Variants in DNAH5 observed in about 807,000 individuals in gnomAD.
DNAH5 encodes axonemal beta dynein heavy chain 5.
Under a neutral mutation model 518.2 loss-of-function variants are expected in DNAH5, and 372 were observed. The observed-to-expected ratio is 0.72, with a 90% CI of 0.66 to 0.78. DNAH5 has a LOEUF of 0.78. Ranked by LOEUF, DNAH5 falls within the 30% of genes least tolerant of loss-of-function variation. The pLI is 0.00. For synonymous variants in DNAH5, 2,039 were observed against 2,025.9 expected, an observed-to-expected ratio of 1.01 and a Z score of -0.17; for missense variants, 5,523 against 5,687.0, an observed-to-expected ratio of 0.97 and a Z score of 0.93.
At chr5:13,805,693 G>T (rs928086862) in intron 47 of DNAH5, among the ~76,000 whole-genome samples, 1 of 152,102 alleles carries the variant, frequency 6.6e-6, no homozygotes, top group Non-Finnish European at 1.5e-5. Context: ...CCCAAACCTC[G>T]CCCTCTTTAT....
chr5:13,858,639 T>C (rs1767963529), intron 30 of DNAH5, among the ~76,000 whole-genome samples: 1 of 151,976 alleles, frequency 6.6e-6, no homozygotes, highest in Non-Finnish European at 1.5e-5. Flanking sequence ...CAAATACAAA[T>C]CAAAAATAAA....
intron 77 of DNAH5, among the ~76,000 whole-genome samples, 191 bp from the exon 78 acceptor site, chr5:13,701,062 T>C (rs972248278): frequency 1.3e-5 from 2 of 151,864 alleles, no homozygotes; most frequent in South Asian, 2.1e-4. Flanking sequence ...TAAAAAAAAA[T>C]AGAAAATCAA....
chr5:13,694,551 T>C (rs1004645265), intron 78 of DNAH5, among the ~76,000 whole-genome samples: 4 of 152,206 alleles, frequency 2.6e-5, no homozygotes, highest in South Asian at 4.1e-4. Context: ...GTTGTGCAAA[T>C]TGGCAAGCCA....
At position 13,776,151 on chromosome 5, in the gene DNAH5, G is replaced by C. The variant is rs116242140; in HGVS notation, c.9373+288C>G. On this transcript the variant is annotated intron_variant, in intron 55 of 78. Transcript: ENST00000265104. ...ATGCTGGTTAACATCTTTTGTCAAGGACAGAAACCAGCAGAGAATTGCTGG... is the reference window on the plus strand; with the variant it reads ...ATGCTGGTTAACATCTTTTGTCAAGCACAGAAACCAGCAGAGAATTGCTGG... Among the ~76,000 whole-genome samples the C allele has an allele frequency of 0.028, 4,313 of 152,262 alleles. 89 individuals are homozygous for C. Among genetic ancestry groups the C allele is most frequent in the South Asian group, 0.091 (437 of 4,826 alleles).
intron 12 of DNAH5, among the ~76,000 whole-genome samples, chr5:13,903,188 G>A (rs1376077098): frequency 6.6e-6 from 1 of 151,886 alleles, no homozygotes; most frequent in Non-Finnish European, 1.5e-5. Context: ...GTATAAAGGG[G>A]AACATAATTA....
rs183479813 is a variant in DNAH5 at position 13,705,420 on chromosome 5, T to A, written c.13338+2703A>T. Among the ~76,000 whole-genome samples, 175 of 152,336 alleles carry A rather than the reference T, an allele frequency of 1.1e-3. 1 individual carries two copies. The highest frequency in any genetic ancestry group is 4.1e-3 in the African/African-American group (169 of 41,574). On this transcript the variant is annotated intron_variant, in intron 76 of 78. Transcript: ENST00000265104. ...CAGCTTAGCCATTCTACAGCATACA[T>A]ATCTTTCAAAACAACATGTAGCACA...
chr5:13,883,231 TAAAACTAA>T, intron 19 of DNAH5, 137 bp from the exon 20 acceptor site: 1 of 984,804 alleles, frequency 1.0e-6, no homozygotes. Context: ...ATGAGTCAAT[TAAAACTAA>T]TGGAGGATCT....
At chr5:13,829,902 CAAAAGGAGG>C in intron 37 of DNAH5, 115 bp downstream of exon 37, 1 of 459,052 alleles carries the variant, frequency 2.2e-6, no homozygotes, top group Admixed American at 5.0e-5. Context: ...AAAAGGTTTT[CAAAAGGAGG>C]TAAAGTTACA....
chr5:13,843,260 C>T lies in DNAH5; in HGVS notation c.5272-1356G>A, dbSNP rs532806295. Reference sequence around the variant, plus strand: ...ATTGATTTCCTTGCCCCCTTTCATTCCGCCTCCTACACTGTACCAGAGAAT... The same window carrying T: ...ATTGATTTCCTTGCCCCCTTTCATTTCGCCTCCTACACTGTACCAGAGAAT... On this transcript the variant is annotated intron_variant, in intron 32 of 78. Transcript: ENST00000265104. Among the ~76,000 whole-genome samples the T allele has an allele frequency of 2.2e-4, 33 of 152,236 alleles. 1 individual carries two copies. Among genetic ancestry groups the T allele is most frequent in the Middle Eastern group, 3.4e-3 (1 of 294 alleles).
chr5:13,791,903 A>C (rs1385249966), intron 50 of DNAH5, 91 bp downstream of exon 50: 3 of 1,136,338 alleles, frequency 2.6e-6, no homozygotes, highest in Non-Finnish European at 3.8e-6. Context: ...AAATATGTTC[A>C]CAGTTCAAGT....
intron 53 of DNAH5, among the ~76,000 whole-genome samples, chr5:13,780,056 A>C (rs1050203149): frequency 6.6e-6 from 1 of 151,972 alleles, no homozygotes; most frequent in Non-Finnish European, 1.5e-5. Flanking sequence ...CCCACTTGTC[A>C]CCCTACACTG....
At chr5:13,734,734 C>T (rs1057095241) in intron 68 of DNAH5, among the ~76,000 whole-genome samples, 13 of 152,122 alleles carry the variant, frequency 8.5e-5, no homozygotes, top group Non-Finnish European at 4.4e-5. Flanking sequence ...CCATTGAATA[C>T]CTCACTTAAA....
chr5:13,906,619 G>T (rs1305009213), intron 12 of DNAH5, among the ~76,000 whole-genome samples: 1 of 152,064 alleles, frequency 6.6e-6, no homozygotes, highest in Non-Finnish European at 1.5e-5. Flanking sequence ...CCAAAATACT[G>T]ACATAAAGTA....
chr5:13,927,695 A>T (rs1378025640), intron 3 of DNAH5, among the ~76,000 whole-genome samples: 3 of 152,250 alleles, frequency 2.0e-5, no homozygotes, highest in Non-Finnish European at 4.4e-5. Flanking sequence ...TTAAAAAGAA[A>T]TAATGCCTAT....
chr5:13,813,339 C>T (rs548298310), intron 43 of DNAH5, among the ~76,000 whole-genome samples: 1 of 151,694 alleles, frequency 6.6e-6, no homozygotes, highest in Non-Finnish European at 1.5e-5. Context: ...TTTTCAAAAA[C>T]CTTTTTGAAA....
At chr5:13,692,332 A>G (rs1008084788) in intron 78 of DNAH5, among the ~76,000 whole-genome samples, 197 bp from the exon 79 acceptor site, 42 of 152,124 alleles carry the variant, frequency 2.8e-4, no homozygotes, top group African/African-American at 9.9e-4. Context: ...CAGATGTGGC[A>G]AGACACCCAG....
In DNAH5 at chr5:13,841,035, A is replaced by G; in HGVS notation, c.5580T>C (p.Asn1860=). The G allele has an allele frequency of 6.2e-7, 1 of 1,614,156 alleles. No individual in the cohort carries two copies. The highest frequency in any genetic ancestry group is 8.5e-7 in the Non-Finnish European group (1 of 1,180,006). The change falls in exon 34 of 79, where the codon AAT becomes AAC. Residue 1860 remains asparagine, a synonymous_variant. Transcript: ENST00000265104. The stretch of plus-strand genomic sequence containing the variant: ...TATTGAGTAGCTCCAGGAAAGCCTG[A>G]TTAGTTTTCTGCATGATTTTTTTAT... ...KFDKKIMQKT[N]QAFLELLNTL... is the part of the protein sequence containing the mutation.
Position 13,902,144 on chromosome 5 carries a change from A to C in DNAH5, c.1645-6T>G. On this transcript the variant is annotated splice_polypyrimidine_tract_variant and splice_region_variant and intron_variant, in intron 12 of 78. Coordinates refer to ENST00000265104, the MANE Select transcript of DNAH5 (RefSeq NM_001369.3). Reference sequence around the variant, plus strand: ...ATGAACTTCCGCAACTCGTTCTAAAACAGAATAAAATCTGATGATGAACAA... The same window carrying C: ...ATGAACTTCCGCAACTCGTTCTAAACCAGAATAAAATCTGATGATGAACAA... 1 of 1,590,310 alleles carries C rather than the reference A, an allele frequency of 6.3e-7. No homozygotes were observed. The highest frequency in any genetic ancestry group is 8.6e-7 in the Non-Finnish European group (1 of 1,161,010).
intron 71 of DNAH5, among the ~76,000 whole-genome samples, chr5:13,720,728 A>G (rs562937121): frequency 7.2e-5 from 11 of 151,990 alleles, no homozygotes; most frequent in Admixed American, 7.2e-4. Flanking sequence ...ACAGAATCCC[A>G]TTTCTTTGGG....
Sources: gnomAD v4.1 joint callset for allele counts (sites outside exome capture counted in the v4.1 genomes callset) on GRCh38, gnomAD v4.1.1 for gene constraint, MANE v1.5 for transcripts, NCBI Gene and HGNC (gene_info 2026-07-23, HGNC 2026-07-21) for gene names.